DBN1: variants seen among roughly 807,000 people sequenced by gnomAD.
DBN1 encodes drebrin.
In DBN1, 21 loss-of-function variants were observed where a neutral mutation model predicts 83.5. The observed-to-expected ratio is 0.25, with a 90% CI of 0.18 to 0.36. The LOEUF is 0.36. Among genes scored for constraint, DBN1 ranks in the 10% least tolerant of loss-of-function variants. The probability of loss-of-function intolerance (pLI) is 1.00; values close to 1 mark genes in which losing one functional copy is unlikely to be tolerated. For synonymous variants in DBN1, 381 were observed against 384.9 expected (o/e 0.99, Z 0.12); for missense variants, 874 against 935.7 (o/e 0.93, Z 0.86).
At chr5:177,470,123 G>C (rs1007675473) in intron 1 of DBN1, among the ~76,000 whole-genome samples, 1 of 152,288 alleles carries the variant, frequency 6.6e-6, no homozygotes, top group Non-Finnish European at 1.5e-5. Flanking sequence ...CTGGATTCCC[G>C]GCTTCCTACC....
Position 177,460,416 on chromosome 5 carries a change from T to G in DBN1, c.955+16A>C. The G allele has an allele frequency of 6.2e-7, 1 of 1,612,040 alleles. No homozygotes were observed. Among genetic ancestry groups the G allele is most frequent in the Non-Finnish European group, 8.5e-7 (1 of 1,179,594 alleles). On this transcript the variant is annotated intron_variant, in intron 10 of 14. Coordinates refer to ENST00000393565, the MANE Select transcript of DBN1 (RefSeq NM_001363541.2). The stretch of plus-strand genomic sequence containing the variant: ...CTGAGGAGTGGGGCCGGACGGGGGG[T>G]GGGGCCTAGGACTACCTGGTCGATG...
chr5:177,461,065 G>C (rs528158546), intron 8 of DBN1, among the ~76,000 whole-genome samples: 5 of 148,636 alleles, frequency 3.4e-5, no homozygotes, highest in Middle Eastern at 3.8e-3. Context: ...TTACAGTCAT[G>C]AGCCACCAGT....
Position 177,458,262 on chromosome 5 carries a change from GC to G in DBN1, c.1709del (p.Gly570AlafsTer57), listed in dbSNP as rs905957118. ...EVAPEPLLPA[G>X]EGCATLLNFD... ...AGTTGAGAAGGGTGGCACAGCCTTC[GC>G]CTGCTGGCAGCAGTGGCTCCGGAGC... On this transcript the variant is annotated frameshift_variant, in exon 13 of 15. Coordinates refer to ENST00000393565, the MANE Select transcript of DBN1 (RefSeq NM_001363541.2). LOFTEE classifies it high-confidence loss of function. The G allele has an allele frequency of 6.2e-7, 1 of 1,613,566 alleles. No individual in the cohort carries two copies. The highest frequency in any genetic ancestry group is 1.3e-5 in the African/African-American group (1 of 74,914).
Position 177,457,740 on chromosome 5 carries a change from G to C in DBN1, c.1932C>G (p.Phe644Leu), listed in dbSNP as rs892485126. 1 of 1,610,300 alleles carries C rather than the reference G, an allele frequency of 6.2e-7. No homozygotes were observed. The highest frequency in any genetic ancestry group is 1.3e-5 in the African/African-American group (1 of 74,956). The change falls in exon 14 of 15, where the codon TTC (phenylalanine) becomes TTG (leucine). Residue 644 changes from phenylalanine to leucine, a missense_variant. Coordinates refer to ENST00000393565, the MANE Select transcript of DBN1 (RefSeq NM_001363541.2). ...KEGTQASEGY[F>L]SQSQEEEFAQ... is the part of the protein sequence containing the mutation. ...CAAACTCCTCCTCCTGTGATTGACT[G>C]AAGTACCCCTCACTGGCCTGCAGGG...
rs934493977 is a variant in DBN1, at chr5:177,473,496, T to C, written c.26A>G (p.His9Arg). MAGVSFSGHRLELLAAYEE... is the reference protein window; with the variant it reads MAGVSFSGRRLELLAAYEE... ...GTAAGCCGCCAGCAGCTCCAGGCGG[T>C]GGCCGCTGAAGCTGACGCCGGCCAT... Residue 9 changes from histidine to arginine, a missense_variant, in exon 1 of 15, where the codon CAC (histidine) becomes CGC (arginine). Transcript: ENST00000393565. The C allele has an allele frequency of 1.9e-5, 27 of 1,429,998 alleles. No homozygotes were observed. The highest frequency in any genetic ancestry group is 2.4e-5 in the Non-Finnish European group (26 of 1,084,674). 88.6% of individuals were successfully genotyped at this position (1,429,998 alleles called of 1,614,324 possible).
At chr5:177,462,182 C>G in intron 8 of DBN1, 1 of 979,658 alleles carries the variant, frequency 1.0e-6, no homozygotes, top group Non-Finnish European at 1.2e-6. Flanking sequence ...CTAGCCGTCA[C>G]CTCTCCAACA....
chr5:177,473,307 C>G (rs1757984153), intron 1 of DBN1, 129 bp downstream of exon 1: 2 of 485,976 alleles, frequency 4.1e-6, no homozygotes, highest in Non-Finnish European at 6.5e-6. Flanking sequence ...CCTCCCGGCC[C>G]TCCCGGCCCG....
rs1453680129 is a variant in DBN1, at chr5:177,457,509, G to A, written c.2018-6C>T. Reference sequence around the variant, plus strand: ...CCAGCATGTGATGTCGATCTCTGTGGCGTTAGAAAGGGAGAGGAGTTAGGG... The same window carrying A: ...CCAGCATGTGATGTCGATCTCTGTGACGTTAGAAAGGGAGAGGAGTTAGGG... On this transcript the variant is annotated splice_region_variant and splice_polypyrimidine_tract_variant and intron_variant, in intron 14 of 14. Coordinates refer to ENST00000393565, the MANE Select transcript of DBN1 (RefSeq NM_001363541.2). 1 of 1,613,854 alleles carries A rather than the reference G, an allele frequency of 6.2e-7. No individual in the cohort carries two copies. Among genetic ancestry groups the A allele is most frequent in the African/African-American group, 1.3e-5 (1 of 75,064 alleles).
chr5:177,461,253 T>C lies in DBN1; in HGVS notation c.772-550A>G, dbSNP rs938918235. The stretch of plus-strand genomic sequence containing the variant: ...AGCTGGGACTACAGGCGCCCGCCAC[T>C]ACGCCCGGCTAATTTTTTGTATTTT... On this transcript the variant is annotated intron_variant, in intron 8 of 14. Coordinates refer to ENST00000393565, the MANE Select transcript of DBN1 (RefSeq NM_001363541.2). Among the ~76,000 whole-genome samples the C allele has an allele frequency of 1.8e-4, 27 of 151,262 alleles. No individual in the cohort carries two copies. In the East Asian group the frequency reaches 2.5e-3, roughly 14 times the overall value.
chr5:177,469,979 G>A (rs1450775236), intron 1 of DBN1, among the ~76,000 whole-genome samples: 2 of 152,358 alleles, frequency 1.3e-5, no homozygotes, highest in Middle Eastern at 3.4e-3. Context: ...GGGAGAAGCA[G>A]AGGGAGAAAC....
chr5:177,472,333 C>G, intron 1 of DBN1: 3 of 1,513,996 alleles, frequency 2.0e-6, no homozygotes, highest in Non-Finnish European at 2.6e-6. Context: ...TCAGTTTCCT[C>G]AAGAAGAACC....
chr5:177,468,085 C>T (rs200498861), intron 3 of DBN1, 23 bp downstream of exon 3: 50 of 1,394,318 alleles, frequency 3.6e-5, no homozygotes, highest in Non-Finnish European at 4.2e-5. Flanking sequence ...CCTCAGCCCC[C>T]TTCCCCAGCC....
intron 8 of DBN1, among the ~76,000 whole-genome samples, chr5:177,465,596 C>CT (rs1193681539): frequency 1.3e-5 from 2 of 152,136 alleles, no homozygotes; most frequent in African/African-American, 2.4e-5. Context: ...TGGCTCACGT[C>CT]TATAATCCCA....
At chr5:177,464,925 T>C (rs56173424) in intron 8 of DBN1, among the ~76,000 whole-genome samples, 9,972 of 148,080 alleles carry the variant, frequency 0.067, 430 homozygotes, top group Admixed American at 0.14. Flanking sequence ...GTGGCTGAGG[T>C]GGGCAGATCA....
At chr5:177,464,990 T>TA (rs1420394821) in intron 8 of DBN1, among the ~76,000 whole-genome samples, 2 of 151,796 alleles carry the variant, frequency 1.3e-5, no homozygotes, top group East Asian at 1.9e-4. Context: ...CCGTCTCTAC[T>TA]AAAAATACAA....
At chr5:177,468,332 C>T (rs1757614472) in intron 2 of DBN1, 112 bp from the exon 3 acceptor site, 1 of 870,398 alleles carries the variant, frequency 1.1e-6, no homozygotes, top group African/African-American at 1.7e-5. Context: ...CCCCAGGGGT[C>T]TTCTGGCCTC....
rs1420132284 is a variant in DBN1 at position 177,468,239 on chromosome 5, T to C, written c.143-19A>G. On this transcript the variant is annotated intron_variant, in intron 2 of 14. Transcript: ENST00000393565. ...CCCCCTTCTAGGGTAATCAGGAGAGTGTCAGGTCTCTCTGCCTCCTAAACC... is the reference window on the plus strand; with the variant it reads ...CCCCCTTCTAGGGTAATCAGGAGAGCGTCAGGTCTCTCTGCCTCCTAAACC... 1.2e-6 allele frequency: 2 copies of C among 1,603,474 alleles called. No individual in the cohort carries two copies. Among genetic ancestry groups the C allele is most frequent in the Non-Finnish European group, 1.7e-6 (2 of 1,170,568 alleles).
At chr5:177,460,766 T>G (rs764519697) in intron 8 of DBN1, 63 bp from the exon 9 acceptor site, 10 of 1,504,206 alleles carry the variant, frequency 6.6e-6, no homozygotes, top group Non-Finnish European at 7.3e-6. Context: ...GGCCTTCTTT[T>G]TTACTGTATT....
rs779029886 is a variant in DBN1, at chr5:177,467,229, G to A, written c.555+26C>T. 2.4e-5 allele frequency: 38 copies of A among 1,613,674 alleles called. No individual in the cohort carries two copies. The highest frequency in any genetic ancestry group is 3.1e-5 in the Non-Finnish European group (36 of 1,179,728). On this transcript the variant is annotated intron_variant, in intron 6 of 14. Transcript: ENST00000393565. The surrounding 1 kb of genome is among the most constrained non-coding windows in gnomAD (Gnocchi z 9.1). ...CATGGGGTCCATGAGGGGTGGCTCAGCCAGGCCGGGCTCAGGGTTCCATAC... is the reference window on the plus strand; with the variant it reads ...CATGGGGTCCATGAGGGGTGGCTCAACCAGGCCGGGCTCAGGGTTCCATAC...
Sources: gnomAD v4.1 joint callset for allele counts (sites outside exome capture counted in the v4.1 genomes callset) on GRCh38, gnomAD v4.1.1 for gene constraint, Gnocchi (gnomAD v3.1) non-coding constraint, MANE v1.5 for transcripts, NCBI Gene and HGNC (gene_info 2026-07-23, HGNC 2026-07-21) for gene names.